UHMK1: variants seen among roughly 807,000 people sequenced by gnomAD.
UHMK1 encodes the protein serine/threonine-protein kinase Kist.
UHMK1 carries 18 observed loss-of-function variants against 44.0 expected under a neutral mutation model. That is an observed-to-expected ratio of 0.41 (90% confidence interval 0.28 to 0.61). UHMK1 has a LOEUF of 0.61. Ranked by LOEUF, UHMK1 falls within the 20% of genes least tolerant of loss-of-function variation. The pLI, the probability that UHMK1 is intolerant of heterozygous loss-of-function variation, is 0.31. For missense variants in UHMK1, 463 were observed against 522.5 expected (o/e 0.89, Z 1.11); for synonymous variants, 231 against 198.5 (o/e 1.16, Z -1.38).
Position 162,522,700 on chromosome 1 carries a change from A to G in UHMK1, c.*150A>G. The G allele has an allele frequency of 2.3e-6, 2 of 871,646 alleles. No individual in the cohort carries two copies. Among genetic ancestry groups the G allele is most frequent in the African/African-American group, 1.7e-5 (1 of 58,788 alleles). 54.0% of individuals were successfully genotyped at this position (871,646 alleles called of 1,614,324 possible). A position where few individuals can be genotyped will look rare whatever the true frequency, so the allele number is the denominator to read the frequency against. The stretch of plus-strand genomic sequence containing the variant: ...ATGTGCAGCCATTGCCCAAGCAGTG[A>G]CTGCGTTGCATACATTTGGCACTGA... On this transcript the variant is annotated 3_prime_UTR_variant, in exon 8 of 8. Coordinates refer to ENST00000489294, the MANE Select transcript of UHMK1 (RefSeq NM_175866.5).
chr1:162,526,410 G>A lies in UHMK1; in HGVS notation c.*3860G>A, dbSNP rs534135702. ...ATCTATTTACCTAGACACTTATGCA[G>A]GGGTACATGCTAGGTGGCTTTATTC... On this transcript the variant is annotated 3_prime_UTR_variant, in exon 8 of 8. Coordinates refer to ENST00000489294, the MANE Select transcript of UHMK1 (RefSeq NM_175866.5). The A allele has an allele frequency of 1.9e-4, 29 of 152,192 alleles. No homozygotes were observed. Among genetic ancestry groups the A allele is most frequent in the African/African-American group, 7.0e-4 (29 of 41,526 alleles). The allele number at this position is 152,192 out of a possible 1,614,324, so 9.4% of individuals were successfully genotyped here. A position where few individuals can be genotyped will look rare whatever the true frequency, so the allele number is the denominator to read the frequency against.
At position 162,524,092 on chromosome 1, in the gene UHMK1, T is replaced by A. The variant is rs929864321; in HGVS notation, c.*1542T>A. The A allele has an allele frequency of 6.6e-5, 10 of 152,256 alleles. No homozygotes were observed. The highest frequency in any genetic ancestry group is 3.9e-4 in the East Asian group (2 of 5,186). The allele number at this position is 152,256 out of a possible 1,614,324, so 9.4% of individuals were successfully genotyped here. A position where few individuals can be genotyped will look rare whatever the true frequency, so the allele number is the denominator to read the frequency against. The stretch of plus-strand genomic sequence containing the variant: ...CAAGTTATATACAGGTTATTAATTT[T>A]TTTATTTATTTATTTTTTCCTAAGG... On this transcript the variant is annotated 3_prime_UTR_variant, in exon 8 of 8. Coordinates refer to ENST00000489294, the MANE Select transcript of UHMK1 (RefSeq NM_175866.5).
At chr1:162,497,683 C>T (rs1041185235), upstream of UHMK1, 15 of 817,470 alleles carry the variant, frequency 1.8e-5, no homozygotes, top group Non-Finnish European at 2.5e-5. Flanking sequence ...GGTAGATACT[C>T]AATAATTAAG....
chr1:162,518,825 A>G (rs1172527243), intron 7 of UHMK1, among the ~76,000 whole-genome samples: 2 of 150,716 alleles, frequency 1.3e-5, no homozygotes, highest in African/African-American at 4.9e-5. Flanking sequence ...TTTCTCTACT[A>G]AAAATACAAA....
At position 162,507,945 on chromosome 1, in the gene UHMK1, T is replaced by A. The variant is rs141512726; in HGVS notation, c.848+4097T>A. ...CTACTCTTTAAGACATTATTTGTTA[T>A]GTTTATTCATCCTTGTATCTCTTAT... is the stretch of plus-strand genomic sequence containing the variant. On this transcript the variant is annotated intron_variant, in intron 4 of 7. Transcript: ENST00000489294. Among the ~76,000 whole-genome samples the A allele has an allele frequency of 1.6e-4, 25 of 152,308 alleles. No homozygotes were observed. In the East Asian group the frequency reaches 3.3e-3, roughly 20 times the overall value.
intron 6 of UHMK1, among the ~76,000 whole-genome samples, chr1:162,515,930 A>T (rs952183657): frequency 6.6e-6 from 1 of 151,976 alleles, no homozygotes; most frequent in African/African-American, 2.4e-5. Context: ...GCTACTCGGG[A>T]GGCTGAGGCA....
chr1:162,501,102 A>G lies in UHMK1; in HGVS notation c.751A>G (p.Lys251Glu). The G allele has an allele frequency of 6.2e-7, 1 of 1,613,742 alleles. No homozygotes were observed. Among genetic ancestry groups the G allele is most frequent in the Non-Finnish European group, 8.5e-7 (1 of 1,179,868 alleles). ...ACATACAGTCAGATCTCAGGAATGG[A>G]AGGTAAACTTCACCAGTGCTTTGCT... is the stretch of plus-strand genomic sequence containing the variant. Reference protein sequence around the residue: ...LKHTVRSQEWKANSSAIIDHI... With the variant: ...LKHTVRSQEWEANSSAIIDHI... Residue 251 changes from lysine (K) to glutamate (E), a missense_variant and splice_region_variant, in exon 3 of 8, where the codon AAG becomes GAG. Around this residue, in one of 3 missense-constraint regions of UHMK1, gnomAD observed 264 missense variants for 326.3 expected, o/e 0.81. Transcript: ENST00000489294.
rs571361174 is a variant in UHMK1 at position 162,522,723 on chromosome 1, T to A, written c.*173T>A. The A allele has an allele frequency of 9.4e-5, 67 of 712,110 alleles. 2 individuals are homozygous for A. The South Asian group carries it at 1.4e-3, about 15-fold the overall frequency. 44.1% of individuals were successfully genotyped at this position (712,110 alleles called of 1,614,324 possible). ...TGACTGCGTTGCATACATTTGGCAC[T>A]GAGTAGGACAAGACCTCTCAGCTAT... On this transcript the variant is annotated 3_prime_UTR_variant, in exon 8 of 8. Transcript: ENST00000489294.
intron 2 of UHMK1, 126 bp from the exon 3 acceptor site, chr1:162,500,787 T>C: frequency 2.3e-6 from 2 of 888,616 alleles, no homozygotes; most frequent in Non-Finnish European, 3.3e-6. Context: ...AATCAAGGAC[T>C]AAAAATTTTT....
intron 6 of UHMK1, among the ~76,000 whole-genome samples, chr1:162,514,002 A>G (rs1175266159): frequency 6.6e-6 from 1 of 152,214 alleles, no homozygotes; most frequent in Non-Finnish European, 1.5e-5. Context: ...GACATTTTGG[A>G]AACAGAGAGG....
In UHMK1 at chr1:162,497,977, T is replaced by G. The variant is rs1374910508; in HGVS notation, c.-24T>G. ...GCCTCAGGCGTCGCGTCAGCTCCCG[T>G]GTCCGTGCCCTTAACCCACACCGAT... On this transcript the variant is annotated 5_prime_UTR_variant, in exon 1 of 8. Transcript: ENST00000489294. The G allele has an allele frequency of 6.7e-7, 1 of 1,490,572 alleles. No homozygotes were observed. Among genetic ancestry groups the G allele is most frequent in the Non-Finnish European group, 8.9e-7 (1 of 1,120,672 alleles). The allele number at this position is 1,490,572 out of a possible 1,614,324, so 92.3% of individuals were successfully genotyped here. A position where few individuals can be genotyped will look rare whatever the true frequency, so the allele number is the denominator to read the frequency against.
chr1:162,508,083 A>G (rs76572978), intron 4 of UHMK1, among the ~76,000 whole-genome samples: 1,662 of 151,526 alleles, frequency 0.011, 34 homozygotes, highest in African/African-American at 0.038. Context: ...CACATCTTAT[A>G]TCGTTTTTTA....
At chr1:162,511,117 C>A (rs1651652275) in intron 4 of UHMK1, among the ~76,000 whole-genome samples, 1 of 151,352 alleles carries the variant, frequency 6.6e-6, no homozygotes, top group African/African-American at 2.4e-5. Flanking sequence ...AGGTCTTTTG[C>A]CCATTTTTTA....
At position 162,512,183 on chromosome 1, in the gene UHMK1, C is replaced by CT. The variant is rs564759125; in HGVS notation, c.849-307dup. Among the ~76,000 whole-genome samples, 20 of 142,884 alleles carry CT rather than the reference C, an allele frequency of 1.4e-4. No individual in the cohort carries two copies. The East Asian group carries it at 3.3e-3, about 24-fold the overall frequency. The allele number at this position is 142,884 out of a possible 152,430, so 93.7% of individuals were successfully genotyped here. On this transcript the variant is annotated intron_variant, in intron 4 of 7. Coordinates refer to ENST00000489294, the MANE Select transcript of UHMK1 (RefSeq NM_175866.5). ...GATTCAACAATCATCCCACCGATAT[C>CT]TTTTTTTTTTAATTGTGTTACCCTA...
At chr1:162,499,210 C>T (rs1172784557) in intron 1 of UHMK1, among the ~76,000 whole-genome samples, 1 of 151,762 alleles carries the variant, frequency 6.6e-6, no homozygotes, top group Non-Finnish European at 1.5e-5. Context: ...AGTTCTTACT[C>T]TGTCACCCAG....
intron 6 of UHMK1, among the ~76,000 whole-genome samples, chr1:162,516,030 T>G (rs1368179680): frequency 6.6e-6 from 1 of 150,438 alleles, no homozygotes; most frequent in Non-Finnish European, 1.5e-5. Context: ...CGAGACTCCG[T>G]CTCAAAAAAA....
Position 162,522,609 on chromosome 1 carries a change from T to A in UHMK1, c.*59T>A, listed in dbSNP as rs931528489. On this transcript the variant is annotated 3_prime_UTR_variant, in exon 8 of 8. Transcript: ENST00000489294. Reference sequence around the variant, plus strand: ...CTTCCATTTCTTGGGTTATTCCACATATGAATGCAGGACTACCCCCTTACC... The same window carrying A: ...CTTCCATTTCTTGGGTTATTCCACAAATGAATGCAGGACTACCCCCTTACC... 2 of 1,557,176 alleles carry A rather than the reference T, an allele frequency of 1.3e-6. No homozygotes were observed. Among genetic ancestry groups the A allele is most frequent in the Non-Finnish European group, 1.8e-6 (2 of 1,140,716 alleles).
chr1:162,497,873 C>T lies in UHMK1; in HGVS notation c.-128C>T, dbSNP rs1403363278. On this transcript the variant is annotated 5_prime_UTR_variant, in exon 1 of 8. Coordinates refer to ENST00000489294, the MANE Select transcript of UHMK1 (RefSeq NM_175866.5). ...CATGGCTGCTTGAAGTCCCGGGAGT[C>T]GGTGAGGCGGCTGCAGGTCCCTCCC... is the stretch of plus-strand genomic sequence containing the variant. 6.3e-5 allele frequency: 88 copies of T among 1,394,714 alleles called. 1 individual carries two copies. In the East Asian group the frequency reaches 2.2e-3, roughly 34 times the overall value. 86.4% of individuals were successfully genotyped at this position (1,394,714 alleles called of 1,614,324 possible). A position where few individuals can be genotyped will look rare whatever the true frequency, so the allele number is the denominator to read the frequency against.
At chr1:162,498,409 T>G (rs1451680335) in intron 1 of UHMK1, 141 bp downstream of exon 1, 6 of 1,056,958 alleles carry the variant, frequency 5.7e-6, no homozygotes, top group African/African-American at 1.6e-5. Context: ...TCCAGGCCCC[T>G]TTCCCCTTTC....
Sources: allele counts gnomAD v4.1 joint callset (sites outside exome capture counted in the v4.1 genomes callset), GRCh38; gene constraint gnomAD v4.1.1; regional missense constraint gnomAD v4.1.1; transcripts MANE v1.5; gene names NCBI Gene and HGNC (gene_info 2026-07-23, HGNC 2026-07-21).